TMEM165: variants seen among roughly 807,000 people sequenced by gnomAD.
TMEM165 encodes the protein transmembrane protein 165, also known as putative divalent cation/proton antiporter TMEM165.
TMEM165 carries 19 observed loss-of-function variants against 30.0 expected under a neutral mutation model. The observed-to-expected ratio is 0.63, with a 90% confidence interval of 0.44 to 0.93. TMEM165 has a LOEUF of 0.93. Ranked by LOEUF, TMEM165 falls within the 40% of genes least tolerant of loss-of-function variation. The probability of loss-of-function intolerance (pLI) is 0.00; values close to 1 mark genes in which losing one functional copy is unlikely to be tolerated. For missense variants in TMEM165, 340 were observed against 417.0 expected, an observed-to-expected ratio of 0.82 and a Z score of 1.61; for synonymous variants, 168 against 162.9, an observed-to-expected ratio of 1.03 and a Z score of -0.24.
chr4:55,449,711 C>T (rs1577698461), intron 3 of TMEM165, among the ~76,000 whole-genome samples: 4 of 151,908 alleles, frequency 2.6e-5, no homozygotes, highest in Admixed American at 2.6e-4. Flanking sequence ...ATTTTAAATA[C>T]AAAAAGTCAC....
At position 55,401,842 on chromosome 4, in the gene TMEM165, C is replaced by T. The variant is rs183360502; in HGVS notation, c.207+5446C>T. ...AAAAATAAAATCAATGAAGGCCGGG[C>T]GCAGTGGCTCACGCTTGTAATCCCT... On this transcript the variant is annotated intron_variant, in intron 1 of 5. Coordinates refer to ENST00000381334, the MANE Select transcript of TMEM165 (RefSeq NM_018475.5). Among the ~76,000 whole-genome samples the T allele has an allele frequency of 1.1e-3, 167 of 150,140 alleles. 5 individuals carry two copies. The highest frequency in any genetic ancestry group is 3.2e-3 in the Admixed American group (48 of 15,204).
At chr4:55,438,468 T>G in intron 3 of TMEM165, 1 of 1,613,838 alleles carries the variant, frequency 6.2e-7, no homozygotes, top group Non-Finnish European at 8.5e-7. Context: ...TAGTACTAGG[T>G]ACCATGACTG....
At chr4:55,408,961 A>G (rs1340691131) in intron 1 of TMEM165, among the ~76,000 whole-genome samples, 1 of 151,242 alleles carries the variant, frequency 6.6e-6, no homozygotes, top group East Asian at 1.9e-4. Context: ...TAATATTGGA[A>G]GAGAAAGGAA....
At chr4:55,448,545 G>C (rs1022810466) in intron 3 of TMEM165, among the ~76,000 whole-genome samples, 1 of 151,518 alleles carries the variant, frequency 6.6e-6, no homozygotes, top group Non-Finnish European at 1.5e-5. Context: ...AATGACCCCA[G>C]TTAAGATTCA....
intron 4 of TMEM165, 102 bp from the exon 5 acceptor site, chr4:55,424,436 T>C: frequency 2.8e-6 from 2 of 701,970 alleles, no homozygotes; most frequent in Non-Finnish European, 5.1e-6. Flanking sequence ...TATTATGCTT[T>C]TTAATTGTTG....
At chr4:55,420,106 A>AAAAAAAAAATATAT (rs1474254120) in intron 4 of TMEM165, among the ~76,000 whole-genome samples, 6 of 45,442 alleles carry the variant, frequency 1.3e-4, no homozygotes, top group Admixed American at 7.2e-4. Flanking sequence ...AAGAAAAAAA[A>AAAAAAAAAATATAT]ATATATATAT....
chr4:55,402,597 G>A (rs1721068390), intron 1 of TMEM165, among the ~76,000 whole-genome samples: 1 of 143,596 alleles, frequency 7.0e-6, no homozygotes, highest in African/African-American at 2.8e-5. Context: ...ACAGGTGCAT[G>A]CCACCACGCC....
chr4:55,396,172 G>T lies in TMEM165; in HGVS notation c.-18G>T. The T allele has an allele frequency of 7.4e-7, 1 of 1,353,548 alleles. No homozygotes were observed. The allele number at this position is 1,353,548 out of a possible 1,614,324, so 83.8% of individuals were successfully genotyped here. A position where few individuals can be genotyped will look rare whatever the true frequency, so the allele number is the denominator to read the frequency against. The stretch of plus-strand genomic sequence containing the variant: ...CTTCCTCTTGCGGCGCCCGTGCGCG[G>T]CCGGCCCGGCAGGCGGGATGGCGGC... On this transcript the variant is annotated 5_prime_UTR_variant, in exon 1 of 6. Coordinates refer to ENST00000381334, the MANE Select transcript of TMEM165 (RefSeq NM_018475.5).
rs745589287 is a variant in TMEM165, at chr4:55,450,055, T to C, written c.409-2184T>C. ...AGTAACTAAAAGTTTAGTTAGTTAC[T>C]TTAAAGGAAGTCTGCTTTGAAGCAA... On this transcript the variant is annotated intron_variant, in intron 3 of 3. Transcript: ENST00000608091. 2.5e-6 allele frequency: 4 copies of C among 1,613,226 alleles called. No individual in the cohort carries two copies. In the Admixed American group the frequency reaches 5.0e-5, roughly 20 times the overall value.
chr4:55,417,054 C>CAACA lies in TMEM165; in HGVS notation c.434-18_434-17insAACA, dbSNP rs1721761129. The CAACA allele has an allele frequency of 6.3e-7, 1 of 1,575,152 alleles. No homozygotes were observed. The highest frequency in any genetic ancestry group is 1.4e-5 in the African/African-American group (1 of 73,008). ...GATACACACTCGATTAACAAACATA[C>CAACA]TGTTGTATTTTTTCCAGTTTTGTTT... On this transcript the variant is annotated splice_polypyrimidine_tract_variant and intron_variant, in intron 2 of 5. Coordinates refer to ENST00000381334, the MANE Select transcript of TMEM165 (RefSeq NM_018475.5).
At chr4:55,434,553 G>C (rs1722735992) in intron 3 of TMEM165, 1 of 151,700 alleles carries the variant, frequency 6.6e-6, no homozygotes, top group Non-Finnish European at 1.5e-5. Flanking sequence ...GGATATTTCT[G>C]AATAACTTGA....
intron 1 of TMEM165, among the ~76,000 whole-genome samples, chr4:55,407,932 AGGGG>A (rs891407130): frequency 6.6e-6 from 1 of 152,162 alleles, no homozygotes; most frequent in Non-Finnish European, 1.5e-5. Flanking sequence ...CTTGAGTCAC[AGGGG>A]GGTGTACCTA....
rs781001956 is a variant in TMEM165, at chr4:55,396,284, G to A, written c.95G>A (p.Arg32Gln). Residue 32 changes from arginine (R) to glutamine (Q), a missense_variant, in exon 1 of 6, where the codon CGG (arginine) becomes CAG (glutamine). By Grantham distance (43) the Arg-to-Gln change is conservative. Around this residue, in one of 2 missense-constraint regions of TMEM165, gnomAD observed 120 missense variants for 109.4 expected, o/e 1.10. Transcript: ENST00000381334. ...CTGCTGTGGGCCCCGGCTGCGGTCC[G>A]GGCCGGCCCAGATGAAGACCTTAGC... ...VPLLWAPAAV[R>Q]AGPDEDLSHR... 2.0e-6 allele frequency: 3 copies of A among 1,526,446 alleles called. No individual in the cohort carries two copies. The highest frequency in any genetic ancestry group is 1.2e-5 in the South Asian group (1 of 82,166). 94.6% of individuals were successfully genotyped at this position (1,526,446 alleles called of 1,614,324 possible). A position where few individuals can be genotyped will look rare whatever the true frequency, so the allele number is the denominator to read the frequency against.
At chr4:55,444,906 T>TA (rs1723678791) in intron 3 of TMEM165, 8 of 996,492 alleles carry the variant, frequency 8.0e-6, no homozygotes, top group Non-Finnish European at 1.2e-5. Flanking sequence ...CTTCACTAGT[T>TA]ATGTCCCTTA....
downstream of TMEM165, among the ~76,000 whole-genome samples, chr4:55,426,400 A>AGAG (rs1307288091): frequency 2.0e-5 from 3 of 152,222 alleles, no homozygotes; most frequent in African/African-American, 4.8e-5. Context: ...GTTACATGGT[A>AGAG]GAGTCACACC....
intron 2 of TMEM165, chr4:55,412,102 A>G (rs1721527382): frequency 4.1e-6 from 2 of 493,508 alleles, no homozygotes; most frequent in Non-Finnish European, 7.3e-6. Flanking sequence ...TGTGTAAAGT[A>G]AGACAGTTAG....
chr4:55,405,753 A>G (rs1346060325), intron 1 of TMEM165, among the ~76,000 whole-genome samples: 1 of 152,076 alleles, frequency 6.6e-6, no homozygotes, highest in Non-Finnish European at 1.5e-5. Context: ...TGATTGATCC[A>G]GTGGCTGATA....
intron 3 of TMEM165, chr4:55,432,451 G>A (rs1211434583): frequency 6.8e-6 from 1 of 147,142 alleles, no homozygotes; most frequent in Non-Finnish European, 1.5e-5. Flanking sequence ...TTTTAAGAAA[G>A]TGAGAATAAA....
chr4:55,418,785 G>A (rs1031973272), intron 4 of TMEM165, among the ~76,000 whole-genome samples: 1 of 152,062 alleles, frequency 6.6e-6, no homozygotes, highest in African/African-American at 2.4e-5. Flanking sequence ...CGTCCCTCAC[G>A]CCTGTAATCC....
Sources: allele counts gnomAD v4.1 joint callset (sites outside exome capture counted in the v4.1 genomes callset), GRCh38; gene constraint gnomAD v4.1.1; regional missense constraint gnomAD v4.1.1; transcripts MANE v1.5; gene names NCBI Gene and HGNC (gene_info 2026-07-23, HGNC 2026-07-21).